PFN4: variants seen among roughly 807,000 people sequenced by gnomAD.
PFN4 encodes the protein profilin-4.
PFN4 carries 10 observed loss-of-function variants against 16.3 expected under a neutral mutation model. That is an observed-to-expected ratio of 0.61 (90% CI 0.38 to 1.04). The LOEUF (loss-of-function observed/expected upper bound fraction) is 1.04. PFN4 is among the 50% of genes least tolerant of loss of function. The probability of loss-of-function intolerance (pLI) is 0.01; values close to 1 mark genes in which losing one functional copy is unlikely to be tolerated. For synonymous variants in PFN4, 54 were observed against 56.9 expected (o/e 0.95, Z 0.23); for missense variants, 136 against 153.6 (o/e 0.89, Z 0.61).
At chr2:24,121,664 T>A (rs1436396427) in intron 2 of PFN4, among the ~76,000 whole-genome samples, 1 of 152,142 alleles carries the variant, frequency 6.6e-6, no homozygotes, top group Non-Finnish European at 1.5e-5. Context: ...TGGGGCCTAA[T>A]GGGAGGTATT....
intron 4 of PFN4, among the ~76,000 whole-genome samples, chr2:24,116,727 A>G (rs1017104952): frequency 1.3e-5 from 2 of 149,518 alleles, no homozygotes; most frequent in Non-Finnish European, 3.0e-5. Flanking sequence ...GGTGGCAGGC[A>G]CCTGTAGTCC....
intron 4 of PFN4, among the ~76,000 whole-genome samples, chr2:24,119,157 C>A (rs1265637910): frequency 6.6e-6 from 1 of 152,074 alleles, no homozygotes; most frequent in Non-Finnish European, 1.5e-5. Context: ...ACATCTCTGC[C>A]TTTTTACCCT....
intron 4 of PFN4, 73 bp from the exon 5 acceptor site, chr2:24,115,684 T>G: frequency 6.5e-7 from 1 of 1,527,064 alleles, no homozygotes; most frequent in Non-Finnish European, 9.0e-7. Flanking sequence ...TTCATCCATT[T>G]ATTATTCCAC....
At chr2:24,121,052 CA>C in intron 3 of PFN4, 110 bp downstream of exon 3, 4 of 1,402,514 alleles carry the variant, frequency 2.9e-6, no homozygotes, top group Non-Finnish European at 3.9e-6. Context: ...GACAATGGCT[CA>C]AGACATTAAT....
Position 24,119,658 on chromosome 2 carries a change from T to A in PFN4, c.280A>T (p.Lys94Ter). Residue 94 changes from lysine to a stop codon, truncating the protein, a stop_gained, in exon 4 of 5, where the codon AAG becomes TAG. Coordinates refer to ENST00000313213, the MANE Select transcript of PFN4 (RefSeq NM_199346.3). LOFTEE classifies it high-confidence loss of function. ...GCTACCAGAAGATACAGATGGGTCTTCACGACAACCACACCAGTGTTCTCC... is the reference window on the plus strand; with the variant it reads ...GCTACCAGAAGATACAGATGGGTCTACACGACAACCACACCAGTGTTCTCC... ...KNENTGVVVV[K>*]THLYLLVATY... 6.2e-7 allele frequency: 1 copy of A among 1,613,152 alleles called. No individual in the cohort carries two copies.
chr2:24,119,324 T>G (rs1020228336), intron 4 of PFN4, among the ~76,000 whole-genome samples: 1 of 152,148 alleles, frequency 6.6e-6, no homozygotes, highest in East Asian at 1.9e-4. Context: ...GGAAACAGTT[T>G]GCTATGAGAC....
rs571571698 is a variant in PFN4 at position 24,116,471 on chromosome 2, T to C, written c.362-860A>G. Among the ~76,000 whole-genome samples, 31 of 152,252 alleles carry C rather than the reference T, an allele frequency of 2.0e-4. No individual in the cohort carries two copies. In the Middle Eastern group the frequency reaches 0.01, roughly 50 times the overall value. On this transcript the variant is annotated intron_variant, in intron 4 of 4. Coordinates refer to ENST00000313213, the MANE Select transcript of PFN4 (RefSeq NM_199346.3). ...CCTCTTGAGTAGCTAGGGCTACAGG[T>C]GCACTCCACCATGCCAGGTAGCACT...
intron 2 of PFN4, 44 bp downstream of exon 2, chr2:24,122,375 T>C: frequency 7.4e-7 from 1 of 1,342,872 alleles, no homozygotes; most frequent in African/African-American, 1.5e-5. Flanking sequence ...AGAATAGAAA[T>C]AATAAGTAAA....
intron 4 of PFN4, among the ~76,000 whole-genome samples, chr2:24,119,175 C>T (rs1395140320): frequency 6.6e-6 from 1 of 151,920 alleles, no homozygotes; most frequent in Admixed American, 6.6e-5. Flanking sequence ...CCTGCTGTCT[C>T]CCCCCTCCCC....
chr2:24,117,504 G>A (rs1199271121), intron 4 of PFN4, among the ~76,000 whole-genome samples: 1 of 150,688 alleles, frequency 6.6e-6, no homozygotes, highest in Non-Finnish European at 1.5e-5. Context: ...GTGCAATGGC[G>A]CTATTTTGGC....
rs1665874396 is a variant in PFN4 at position 24,115,150 on chromosome 2, C to T, written c.*433G>A. Among the ~76,000 whole-genome samples the T allele has an allele frequency of 6.6e-6, 1 of 152,178 alleles. No individual in the cohort carries two copies. Among genetic ancestry groups the T allele is most frequent in the Non-Finnish European group, 1.5e-5 (1 of 68,034 alleles). On this transcript the variant is annotated 3_prime_UTR_variant, in exon 5 of 5. Transcript: ENST00000313213. Reference sequence around the variant, plus strand: ...CTCAGGGACTCCACTGCTTTTATAGCAAACAGTAAGCAAGCTTGCTCTCTG... The same window carrying T: ...CTCAGGGACTCCACTGCTTTTATAGTAAACAGTAAGCAAGCTTGCTCTCTG...
intron 2 of PFN4, among the ~76,000 whole-genome samples, chr2:24,122,209 G>A (rs545868644): frequency 2.0e-5 from 3 of 152,012 alleles, no homozygotes; most frequent in South Asian, 2.1e-4. Context: ...GCGCACTCCT[G>A]TAATCCCAGC....
At chr2:24,118,795 C>A (rs1171486255) in intron 4 of PFN4, among the ~76,000 whole-genome samples, 2 of 152,266 alleles carry the variant, frequency 1.3e-5, no homozygotes, top group African/African-American at 4.8e-5. Context: ...TAGGATAGTG[C>A]AGGGCACATG....
intron 3 of PFN4, among the ~76,000 whole-genome samples, chr2:24,119,943 A>C (rs2151006507): frequency 6.6e-6 from 1 of 152,326 alleles, no homozygotes; most frequent in Non-Finnish European, 1.5e-5. Context: ...AAAGTTCTGC[A>C]ATTGATTATC....
intron 3 of PFN4, among the ~76,000 whole-genome samples, chr2:24,120,129 C>T (rs1367902171): frequency 6.6e-6 from 1 of 151,952 alleles, no homozygotes; most frequent in Non-Finnish European, 1.5e-5. Context: ...ATTAGCCAGG[C>T]GTGGTGGCAG....
chr2:24,122,776 T>C, intron 1 of PFN4: 2 of 363,746 alleles, frequency 5.5e-6, no homozygotes, highest in Non-Finnish European at 9.8e-6. Context: ...GAAGCTGAGT[T>C]TGGAAAATCA....
rs1027148238 is a variant in PFN4 at position 24,115,110 on chromosome 2, A to G, written c.*473T>C. On this transcript the variant is annotated 3_prime_UTR_variant, in exon 5 of 5. Coordinates refer to ENST00000313213, the MANE Select transcript of PFN4 (RefSeq NM_199346.3). ...CACATGCAGGGAGTTGTATTACAGG[A>G]GGGGTAACACTGAGCTCAGGGACTC... is the stretch of plus-strand genomic sequence containing the variant. Among the ~76,000 whole-genome samples, 2 of 152,162 alleles carry G rather than the reference A, an allele frequency of 1.3e-5. No individual in the cohort carries two copies. Among genetic ancestry groups the G allele is most frequent in the Non-Finnish European group, 2.9e-5 (2 of 68,030 alleles).
intron 3 of PFN4, 106 bp downstream of exon 3, chr2:24,121,057 C>T (rs1265533093): frequency 6.3e-6 from 9 of 1,426,386 alleles, no homozygotes; most frequent in Non-Finnish European, 8.6e-6. Context: ...TGGCTCAAGA[C>T]ATTAATGGAT....
In PFN4 at chr2:24,116,676, G is replaced by A. The variant is rs548151218; in HGVS notation, c.362-1065C>T. Among the ~76,000 whole-genome samples the A allele has an allele frequency of 5.9e-5, 9 of 152,102 alleles. No individual in the cohort carries two copies. In the East Asian group the frequency reaches 1.8e-3, roughly 30 times the overall value. ...TCGAGACCAGCCTGGCTAACATGGT[G>A]AAACCCCGTCTCTACTAAAAATACA... On this transcript the variant is annotated intron_variant, in intron 4 of 4. Coordinates refer to ENST00000313213, the MANE Select transcript of PFN4 (RefSeq NM_199346.3).
Sources: allele counts gnomAD v4.1 joint callset (sites outside exome capture counted in the v4.1 genomes callset), GRCh38; gene constraint gnomAD v4.1.1; transcripts MANE v1.5; gene names NCBI Gene and HGNC (gene_info 2026-07-23, HGNC 2026-07-21).